Variants in LPAR1 observed in about 807,000 individuals in gnomAD.
The protein encoded by LPAR1 is LPA receptor 1.
LPAR1 carries 5 observed loss-of-function variants against 23.8 expected under a neutral mutation model. The observed-to-expected ratio is 0.21, with a 90% CI of 0.11 to 0.44. LPAR1 has a LOEUF of 0.44. Among genes scored for constraint, LPAR1 ranks in the 20% least tolerant of loss-of-function variants. The probability of loss-of-function intolerance (pLI) is 0.99; values close to 1 mark genes in which losing one functional copy is unlikely to be tolerated. For synonymous variants in LPAR1, 160 were observed against 164.7 expected (o/e 0.97, Z 0.22); for missense variants, 311 against 482.8 (o/e 0.64, Z 3.33).
At chr9:110,920,098 T>C (rs907827940) in intron 5 of LPAR1, among the ~76,000 whole-genome samples, 1 of 152,190 alleles carries the variant, frequency 6.6e-6, no homozygotes, top group Non-Finnish European at 1.5e-5. Context: ...AGCTGAGACT[T>C]GATTCCATAA....
rs984940661 is a variant in LPAR1 at position 110,901,726 on chromosome 9, C to T, written c.794-26004G>A. ...AGATTTGGGTGGGGACACAGCCAAA[C>T]CATATCACAGCATGATTACGAAGTA... On this transcript the variant is annotated intron_variant, in intron 5 of 5. Coordinates refer to ENST00000683809, the MANE Select transcript of LPAR1 (RefSeq NM_001351411.2). Among the ~76,000 whole-genome samples, 4 of 145,948 alleles carry T rather than the reference C, an allele frequency of 2.7e-5. No homozygotes were observed. The Admixed American group carries it at 2.8e-4, about 10-fold the overall frequency.
intron 5 of LPAR1, among the ~76,000 whole-genome samples, chr9:110,927,509 T>C (rs2094127441): frequency 1.3e-5 from 2 of 152,128 alleles, no homozygotes; most frequent in African/African-American, 2.4e-5. Context: ...ATTATTATTA[T>C]ATTTTCTTTT....
rs567480596 is a variant in LPAR1 at position 111,029,731 on chromosome 9, C to T, written c.-182+6391G>A. On this transcript the variant is annotated intron_variant, in intron 2 of 5. Transcript: ENST00000683809. ...TCATGAGCTACTCAAGAGCGGGGAC[C>T]GTACTTTCTTAATTTTTTTTTAATT... 1.3e-4 allele frequency among the ~76,000 whole-genome samples: 20 copies of T among 151,974 alleles called. 1 individual carries two copies. In the East Asian group the frequency reaches 3.5e-3, roughly 27 times the overall value.
chr9:111,031,126 C>CA (rs143311668), intron 2 of LPAR1, among the ~76,000 whole-genome samples: 26,493 of 150,910 alleles, frequency 0.18, 2,793 homozygotes, highest in Non-Finnish European at 0.24. Context: ...TGAATCATTG[C>CA]AAAAAAAAAT....
chr9:110,919,728 C>T (rs571306879), intron 5 of LPAR1, among the ~76,000 whole-genome samples: 3 of 152,298 alleles, frequency 2.0e-5, no homozygotes, highest in South Asian at 4.1e-4. Context: ...AAATGCTTCG[C>T]TGGAGAACCA....
At chr9:110,957,208 A>AC (rs1372351501) in intron 4 of LPAR1, among the ~76,000 whole-genome samples, 4 of 151,606 alleles carry the variant, frequency 2.6e-5, no homozygotes, top group Non-Finnish European at 4.4e-5. Context: ...TCTCTACAAA[A>AC]AAAAAAGGCA....
intron 2 of LPAR1, among the ~76,000 whole-genome samples, chr9:111,034,850 G>T (rs144437307): frequency 3.3e-5 from 5 of 152,046 alleles, no homozygotes; most frequent in Non-Finnish European, 7.4e-5. Context: ...TTGTCCCTTC[G>T]TAACTTTCCA....
chr9:110,947,128 T>C (rs1230267202), intron 4 of LPAR1, among the ~76,000 whole-genome samples: 2 of 152,122 alleles, frequency 1.3e-5, no homozygotes. Flanking sequence ...TTTATGTAGG[T>C]GAGATTATAG....
At chr9:110,901,498 T>C (rs1486566433) in intron 5 of LPAR1, among the ~76,000 whole-genome samples, 1 of 152,108 alleles carries the variant, frequency 6.6e-6, no homozygotes, top group Non-Finnish European at 1.5e-5. Flanking sequence ...ACAACCATGG[T>C]GGAAGAGCAA....
At chr9:110,913,675 C>T (rs984966601) in intron 5 of LPAR1, among the ~76,000 whole-genome samples, 1 of 152,038 alleles carries the variant, frequency 6.6e-6, no homozygotes, top group African/African-American at 2.4e-5. Flanking sequence ...CTGAATGGAA[C>T]AAACCAAGTG....
chr9:110,992,105 T>G (rs997449433), intron 2 of LPAR1, among the ~76,000 whole-genome samples: 2 of 152,080 alleles, frequency 1.3e-5, no homozygotes, highest in African/African-American at 4.8e-5. Flanking sequence ...TTAAATAAAT[T>G]AAATGGCAAG....
intron 4 of LPAR1, among the ~76,000 whole-genome samples, chr9:110,947,356 C>G (rs2095418800): frequency 6.6e-6 from 1 of 152,194 alleles, no homozygotes; most frequent in Admixed American, 6.5e-5. Context: ...TTCCCAAATT[C>G]AGTTGTCCTC....
chr9:111,019,839 C>T (rs912531652), intron 2 of LPAR1, among the ~76,000 whole-genome samples: 3 of 151,906 alleles, frequency 2.0e-5, no homozygotes, highest in Admixed American at 6.6e-5. Flanking sequence ...AGTGAGACTC[C>T]GTCTCAAAAA....
intron 2 of LPAR1, among the ~76,000 whole-genome samples, chr9:110,994,882 G>A (rs192809097): frequency 1.3e-5 from 2 of 152,272 alleles, no homozygotes; most frequent in African/African-American, 4.8e-5. Flanking sequence ...TAAGAGGCAC[G>A]TTGCCAAAAG....
chr9:110,954,682 G>A lies in LPAR1; in HGVS notation c.46-12514C>T, dbSNP rs75610276. On this transcript the variant is annotated intron_variant, in intron 4 of 5. Coordinates refer to ENST00000683809, the MANE Select transcript of LPAR1 (RefSeq NM_001351411.2). ...ATGGGATGGGATGACACATTCATTCGAAGTGCTGAAGGAGGAAAAAAACAA... is the reference window on the plus strand; with the variant it reads ...ATGGGATGGGATGACACATTCATTCAAAGTGCTGAAGGAGGAAAAAAACAA... Among the ~76,000 whole-genome samples the A allele has an allele frequency of 8.8e-3, 1,338 of 152,164 alleles. 22 individuals are homozygous for A. Among genetic ancestry groups the A allele is most frequent in the African/African-American group, 0.03 (1,266 of 41,514 alleles).
intron 4 of LPAR1, among the ~76,000 whole-genome samples, chr9:110,954,013 A>T (rs1020720628): frequency 2.3e-4 from 35 of 152,126 alleles, no homozygotes; most frequent in African/African-American, 6.8e-4. Flanking sequence ...ATAATATTTT[A>T]AAAAATAGTG....
rs147102041 is a variant in LPAR1, at chr9:110,972,032, C to T, written c.45+41G>A. ...AAACCCAGTTTAAATATTTGACAAA[C>T]TTACGATTACCTCAGACCTCTGCTA... On this transcript the variant is annotated intron_variant, in intron 4 of 5. Transcript: ENST00000683809. The T allele has an allele frequency of 1.2e-3, 1,860 of 1,574,476 alleles. 21 individuals carry two copies. The African/African-American group carries it at 0.021, about 18-fold the overall frequency.
At chr9:110,894,525 T>C (rs2085621184) in intron 5 of LPAR1, among the ~76,000 whole-genome samples, 2 of 152,160 alleles carry the variant, frequency 1.3e-5, no homozygotes, top group Non-Finnish European at 2.9e-5. Context: ...CCAAGAAATG[T>C]GGATATTTTG....
intron 2 of LPAR1, among the ~76,000 whole-genome samples, chr9:110,987,284 T>G (rs1370155405): frequency 6.6e-6 from 1 of 151,376 alleles, no homozygotes; most frequent in East Asian, 1.9e-4. Context: ...CTATTATATA[T>G]CTATTCAATT....
Sources: allele counts gnomAD v4.1 joint callset (sites outside exome capture counted in the v4.1 genomes callset), GRCh38; gene constraint gnomAD v4.1.1; transcripts MANE v1.5; gene names NCBI Gene and HGNC (gene_info 2026-07-23, HGNC 2026-07-21).